The following RNF214 variants were observed in gnomAD, a reference collection of about 807,000 sequenced individuals.
RNF214 encodes the protein ring finger protein 214.
A neutral mutation model predicts 75.9 loss-of-function variants in RNF214; 25 were observed. The observed-to-expected ratio is 0.33, with a 90% CI of 0.24 to 0.46. The LOEUF (loss-of-function observed/expected upper bound fraction) is 0.46. Ranked by LOEUF, RNF214 falls within the 20% of genes least tolerant of loss-of-function variation. RNF214 has a pLI of 1.00. For missense variants in RNF214, 725 were observed against 857.5 expected, an observed-to-expected ratio of 0.85 and a Z score of 1.93; for synonymous variants, 314 against 308.8, an observed-to-expected ratio of 1.02 and a Z score of -0.18.
At chr11:117,259,523 A>G (rs1019702607) in intron 6 of RNF214, among the ~76,000 whole-genome samples, 14 of 152,370 alleles carry the variant, frequency 9.2e-5, no homozygotes, top group African/African-American at 3.4e-4. Flanking sequence ...ATACCATTTT[A>G]CACTCTGTCA....
intron 6 of RNF214, among the ~76,000 whole-genome samples, chr11:117,251,423 G>C (rs1207923084): frequency 3.1e-5 from 2 of 63,788 alleles, no homozygotes; most frequent in East Asian, 1.7e-3. Context: ...CTGGCCTGGC[G>C]GGGGGCTGAC....
intron 2 of RNF214, among the ~76,000 whole-genome samples, chr11:117,234,649 G>A (rs1267464922): frequency 1.3e-5 from 2 of 152,166 alleles, no homozygotes; most frequent in African/African-American, 4.8e-5. Context: ...TTCCTACGTG[G>A]ACTGTATGTT....
At chr11:117,273,704 T>C (rs1305298032) in intron 6 of RNF214, among the ~76,000 whole-genome samples, 1 of 152,104 alleles carries the variant, frequency 6.6e-6, no homozygotes, top group Non-Finnish European at 1.5e-5. Context: ...TGAGGAGTTA[T>C]GGGCTGGTAT....
intron 6 of RNF214, among the ~76,000 whole-genome samples, chr11:117,264,119 G>A (rs1464121798): frequency 2.0e-5 from 3 of 152,074 alleles, no homozygotes; most frequent in African/African-American, 4.8e-5. Context: ...TCAGGAGATC[G>A]AGACCATCCT....
chr11:117,250,352 A>ATACT (rs2033337910), intron 6 of RNF214, among the ~76,000 whole-genome samples: 1 of 152,232 alleles, frequency 6.6e-6, no homozygotes. Flanking sequence ...GTGTTAAGTA[A>ATACT]TACTGTGTCA....
At chr11:117,254,015 A>G (rs1413783640) in intron 6 of RNF214, among the ~76,000 whole-genome samples, 1 of 152,104 alleles carries the variant, frequency 6.6e-6, no homozygotes, top group Non-Finnish European at 1.5e-5. Flanking sequence ...GCACTTTGGG[A>G]GGCCGAGTGG....
At chr11:117,255,922 T>C (rs2033508453) in intron 6 of RNF214, among the ~76,000 whole-genome samples, 1 of 152,228 alleles carries the variant, frequency 6.6e-6, no homozygotes, top group African/African-American at 2.4e-5. Context: ...CATAGTTCTG[T>C]ATAGTATTTA....
At chr11:117,234,534 A>G (rs1346946765) in intron 2 of RNF214, among the ~76,000 whole-genome samples, 155 bp downstream of exon 2, 1 of 152,250 alleles carries the variant, frequency 6.6e-6, no homozygotes, top group African/African-American at 2.4e-5. Context: ...TCTGGTATCC[A>G]ACACAGCACC....
At chr11:117,271,327 C>T (rs1228708704) in intron 6 of RNF214, among the ~76,000 whole-genome samples, 1 of 152,188 alleles carries the variant, frequency 6.6e-6, no homozygotes, top group Non-Finnish European at 1.5e-5. Context: ...TCTGTGAACC[C>T]GTTTTTGTCT....
chr11:117,234,042 A>G (rs1242572896), intron 1 of RNF214, among the ~76,000 whole-genome samples: 1 of 152,188 alleles, frequency 6.6e-6, no homozygotes, highest in African/African-American at 2.4e-5. Flanking sequence ...AGACTCCTAG[A>G]TATTTATGTA....
chr11:117,268,843 T>C, intron 6 of RNF214, among the ~76,000 whole-genome samples: 1 of 152,130 alleles, frequency 6.6e-6, no homozygotes, highest in East Asian at 1.9e-4. Context: ...CTTTTTCTTC[T>C]TGGCAATGAT....
At position 117,247,023 on chromosome 11, in the gene RNF214, GT is replaced by G. The variant is rs2033242773; in HGVS notation, c.959+78del. 7 of 1,192,228 alleles carry G rather than the reference GT, an allele frequency of 5.9e-6. No individual in the cohort carries two copies. The South Asian group carries it at 1.6e-4, about 28-fold the overall frequency. 73.9% of individuals were successfully genotyped at this position (1,192,228 alleles called of 1,614,324 possible). A position where few individuals can be genotyped will look rare whatever the true frequency, so the allele number is the denominator to read the frequency against. ...GGGGCCAGACCCGTTTGTATTTGTA[GT>G]TTCTTTCCCTTCGGTTTAATTTTTA... On this transcript the variant is annotated intron_variant, in intron 6 of 14. Coordinates refer to ENST00000300650, the MANE Select transcript of RNF214 (RefSeq NM_207343.4).
chr11:117,246,830 G>A lies in RNF214; in HGVS notation c.841G>A (p.Asp281Asn), dbSNP rs376006371. Reference protein sequence around the residue: ...NHQEILKAIQDVTIKREETKK... With the variant: ...NHQEILKAIQNVTIKREETKK... ...TCAGGAGATATTAAAGGCTATTCAG[G>A]ATGTGACAATAAAGCGGGAAGAAAC... The change falls in exon 6 of 15, where the codon GAT becomes AAT. Residue 281 changes from aspartate to asparagine, a missense_variant. Physicochemically the swap from Asp to Asn is conservative, Grantham distance 23. This residue lies in a region of RNF214 where 362 missense variants were observed against 344.5 expected (regional missense o/e 1.05). Coordinates refer to ENST00000300650, the MANE Select transcript of RNF214 (RefSeq NM_207343.4). 4.4e-5 allele frequency: 71 copies of A among 1,606,676 alleles called. No individual in the cohort carries two copies. Among genetic ancestry groups the A allele is most frequent in the Non-Finnish European group, 5.8e-5 (68 of 1,175,954 alleles).
chr11:117,239,615 C>T (rs1372958130), intron 3 of RNF214, 186 bp from the exon 4 acceptor site: 1 of 587,042 alleles, frequency 1.7e-6, no homozygotes, highest in East Asian at 3.0e-5. Context: ...TTTTGTGGGA[C>T]CGATGATTAA....
chr11:117,262,557 T>C (rs904865768), intron 6 of RNF214, among the ~76,000 whole-genome samples: 1 of 152,052 alleles, frequency 6.6e-6, no homozygotes, highest in African/African-American at 2.4e-5. Context: ...TTTTTAAAAA[T>C]TTTTTGTAAA....
At chr11:117,245,225 G>C (rs2033183821) in intron 5 of RNF214, among the ~76,000 whole-genome samples, 1 of 151,020 alleles carries the variant, frequency 6.6e-6, no homozygotes, top group Non-Finnish European at 1.5e-5. Flanking sequence ...AGGCTGAGGT[G>C]GGAGGATCGC....
At position 117,281,394 on chromosome 11, in the gene RNF214, A is replaced by C; in HGVS notation, c.1226A>C (p.Lys409Thr). 1.2e-6 allele frequency: 2 copies of C among 1,611,008 alleles called. No individual in the cohort carries two copies. Among genetic ancestry groups the C allele is most frequent in the Middle Eastern group, 3.3e-4 (2 of 6,052 alleles). The stretch of plus-strand genomic sequence containing the variant: ...CTGAATGGAGTTCGGATAATGAAAA[A>C]GAATGTTCGTGTAAGTGTATCTATG... The part of the protein sequence containing the change: ...TRLNGVRIMK[K>T]NVRDQFNSHI... The change falls in exon 9 of 15, where the codon AAG becomes ACG. Residue 409 changes from lysine to threonine, a missense_variant. Transcript: ENST00000300650.
At position 117,281,699 on chromosome 11, in the gene RNF214, G is replaced by A; in HGVS notation, c.1335+1G>A. ...CACTTTACCTCCACCCCCATCAGAG[G>A]TAAGAGAGTGGCTTTGGGGGGAAGT... On this transcript the variant is annotated splice_donor_variant, in intron 10 of 14. Coordinates refer to ENST00000300650, the MANE Select transcript of RNF214 (RefSeq NM_207343.4). LOFTEE classifies it high-confidence loss of function. The A allele has an allele frequency of 5.0e-6, 8 of 1,608,452 alleles. No homozygotes were observed. The highest frequency in any genetic ancestry group is 6.8e-6 in the Non-Finnish European group (8 of 1,174,946).
chr11:117,240,384 T>TA (rs372718608), intron 4 of RNF214, among the ~76,000 whole-genome samples: 4,919 of 61,630 alleles, frequency 0.08, 131 homozygotes, highest in Non-Finnish European at 0.11. Flanking sequence ...CAAAAAAAAT[T>TA]AAAAAAAAAA....
Sources: allele counts gnomAD v4.1 joint callset (sites outside exome capture counted in the v4.1 genomes callset), GRCh38; gene constraint gnomAD v4.1.1; regional missense constraint gnomAD v4.1.1; transcripts MANE v1.5; gene names NCBI Gene and HGNC (gene_info 2026-07-23, HGNC 2026-07-21).